The following CDC27 variants were observed in gnomAD, a reference collection of about 807,000 sequenced individuals.
CDC27 encodes the protein cell division cycle 27, also known as cell division cycle protein 27 homolog.
In CDC27, 27 loss-of-function variants were observed where a neutral mutation model predicts 109.7. The ratio of observed to expected loss-of-function variants is 0.25; its 90% confidence interval spans 0.18 to 0.34. The LOEUF is 0.34. CDC27 is among the 10% of genes least tolerant of loss of function. The pLI is 1.00. For synonymous variants in CDC27, 266 were observed against 333.9 expected (o/e 0.80, Z 2.22); for missense variants, 579 against 960.2 (o/e 0.60, Z 5.25).
chr17:47,150,682 T>C (rs2048690108), intron 9 of CDC27, among the ~76,000 whole-genome samples: 1 of 152,140 alleles, frequency 6.6e-6, no homozygotes, highest in African/African-American at 2.4e-5. Flanking sequence ...AGAAAACTAA[T>C]ATAGGCAATT....
chr17:47,155,328 C>A (rs1436596194), intron 7 of CDC27, among the ~76,000 whole-genome samples: 1 of 152,208 alleles, frequency 6.6e-6, no homozygotes, highest in Non-Finnish European at 1.5e-5. Flanking sequence ...TCACTGCAAC[C>A]TCCACCTGCT....
chr17:47,159,387 C>A lies in CDC27; in HGVS notation c.378-1084G>T. 3 of 960,546 alleles carry A rather than the reference C, an allele frequency of 3.1e-6. No individual in the cohort carries two copies. The South Asian group carries it at 5.8e-5, about 19-fold the overall frequency. 59.5% of individuals were successfully genotyped at this position (960,546 alleles called of 1,614,324 possible). ...GGTGAAGTTGCCCAGGGTGGCAGTGCAGCCCCTGGCTGAGGTGTAGCAGTC... is the reference window on the plus strand; with the variant it reads ...GGTGAAGTTGCCCAGGGTGGCAGTGAAGCCCCTGGCTGAGGTGTAGCAGTC... On this transcript the variant is annotated intron_variant, in intron 4 of 18. Coordinates refer to ENST00000066544, the MANE Select transcript of CDC27 (RefSeq NM_001256.6).
rs1160692990 is a variant in CDC27, at chr17:47,121,001, G to A, written c.2409C>T (p.Ser803=). 14 of 1,610,488 alleles carry A rather than the reference G, an allele frequency of 8.7e-6. No individual in the cohort carries two copies. The highest frequency in any genetic ancestry group is 1.2e-5 in the Non-Finnish European group (14 of 1,177,718). The stretch of plus-strand genomic sequence containing the variant: ...CCGCATCTGTCATGCTGCTCTCCTG[G>A]GATTCATCTGTTCCCACTTTAAAAA... ...QEEQIMGTDE[S]QESSMTDADD... is the part of the protein sequence containing the mutation. Residue 803 remains serine, a synonymous_variant, in exon 19 of 19, where the codon TCC becomes TCT. Transcript: ENST00000066544.
At chr17:47,184,752 T>A (rs979807196) in intron 1 of CDC27, among the ~76,000 whole-genome samples, 1 of 152,146 alleles carries the variant, frequency 6.6e-6, no homozygotes, top group Non-Finnish European at 1.5e-5. Context: ...TAACAGTGTC[T>A]CTTGTGCCGG....
chr17:47,170,093 C>A, intron 3 of CDC27, 51 bp from the exon 4 acceptor site: 1 of 1,350,958 alleles, frequency 7.4e-7, no homozygotes. Context: ...AAAAGCAGTT[C>A]ATGTAAACAT....
rs1279847361 is a variant in CDC27 at position 47,154,885 on chromosome 17, A to T, written c.843-99T>A. 6 of 644,516 alleles carry T rather than the reference A, an allele frequency of 9.3e-6. No individual in the cohort carries two copies. In the Admixed American group the frequency reaches 1.5e-4, roughly 16 times the overall value. 39.9% of individuals were successfully genotyped at this position (644,516 alleles called of 1,614,324 possible). On this transcript the variant is annotated intron_variant, in intron 7 of 18. Coordinates refer to ENST00000066544, the MANE Select transcript of CDC27 (RefSeq NM_001256.6). ...AAGGTCTAAAAGGAAGAGAATGGCAAATCAGTCTTAGGGACAGTGAGGATC... is the reference window on the plus strand; with the variant it reads ...AAGGTCTAAAAGGAAGAGAATGGCATATCAGTCTTAGGGACAGTGAGGATC...
chr17:47,152,348 C>A (rs954599051), intron 8 of CDC27, among the ~76,000 whole-genome samples: 3 of 152,000 alleles, frequency 2.0e-5, no homozygotes, highest in Non-Finnish European at 4.4e-5. Flanking sequence ...ATTTTATACT[C>A]CTTTGGCACT....
chr17:47,130,528 A>G (rs2062291701), intron 15 of CDC27, among the ~76,000 whole-genome samples: 1 of 152,176 alleles, frequency 6.6e-6, no homozygotes, highest in Admixed American at 6.5e-5. Flanking sequence ...CTATTCATTC[A>G]TATGTGTATA....
intron 2 of CDC27, among the ~76,000 whole-genome samples, chr17:47,176,530 G>T (rs972744549): frequency 6.6e-6 from 1 of 152,178 alleles, no homozygotes; most frequent in Non-Finnish European, 1.5e-5. Flanking sequence ...AGTTTTAAAA[G>T]GCTCCTTAGT....
Position 47,120,702 on chromosome 17 carries a change from A to T in CDC27, c.*233T>A. 2.4e-6 allele frequency: 1 copy of T among 412,250 alleles called. No individual in the cohort carries two copies. Among genetic ancestry groups the T allele is most frequent in the Non-Finnish European group, 4.3e-6 (1 of 230,510 alleles). 25.5% of individuals were successfully genotyped at this position (412,250 alleles called of 1,614,324 possible). A position where few individuals can be genotyped will look rare whatever the true frequency, so the allele number is the denominator to read the frequency against. On this transcript the variant is annotated 3_prime_UTR_variant, in exon 19 of 19. Transcript: ENST00000066544. ...AACAGAAAAGAAAGTTCCCCACCCT[A>T]CCCCCCATAAATTGTCATTCATACT...
chr17:47,162,356 C>A (rs2063522828), intron 4 of CDC27, among the ~76,000 whole-genome samples: 1 of 151,970 alleles, frequency 6.6e-6, no homozygotes. Flanking sequence ...CTATCTAGGC[C>A]CCTTCTGTCT....
In CDC27 at chr17:47,145,873, G is replaced by A. The variant is rs2062944152; in HGVS notation, c.1071-1891C>T. On this transcript the variant is annotated intron_variant, in intron 9 of 18. Transcript: ENST00000066544. The stretch of plus-strand genomic sequence containing the variant: ...GATCGTGCCATTGCATTGCAGCCTG[G>A]GCGACAACAGCGAAACTCTGTCTCA... Among the ~76,000 whole-genome samples the A allele has an allele frequency of 2.6e-5, 4 of 151,800 alleles. No homozygotes were observed. The South Asian group carries it at 8.3e-4, about 32-fold the overall frequency.
intron 4 of CDC27, chr17:47,159,191 CTA>C (rs2148925652): frequency 4.7e-6 from 2 of 428,012 alleles, no homozygotes; most frequent in Middle Eastern, 6.8e-4. Context: ...TGTAAAAACC[CTA>C]TGTTGTAGCC....
chr17:47,186,098 T>C (rs2064425389), intron 1 of CDC27, among the ~76,000 whole-genome samples: 1 of 152,220 alleles, frequency 6.6e-6, no homozygotes, highest in African/African-American at 2.4e-5. Context: ...ATTCTACTAG[T>C]CTGTATGTCT....
intron 16 of CDC27, among the ~76,000 whole-genome samples, chr17:47,124,710 A>G (rs1568360493): frequency 3.3e-5 from 5 of 152,198 alleles, no homozygotes; most frequent in African/African-American, 1.2e-4. Flanking sequence ...TCTCACATCT[A>G]TCTGCTTCTC....
chr17:47,140,287 A>AT (rs1274432106), intron 12 of CDC27, among the ~76,000 whole-genome samples: 2 of 151,938 alleles, frequency 1.3e-5, no homozygotes, highest in Non-Finnish European at 2.9e-5. Flanking sequence ...TAATTTTTTC[A>AT]TTTTTTTGTA....
At chr17:47,141,744 C>A in intron 12 of CDC27, 109 bp downstream of exon 12, 2 of 573,852 alleles carry the variant, frequency 3.5e-6, no homozygotes, top group Admixed American at 3.4e-5. Flanking sequence ...ATAGACATTA[C>A]ATAATAAATA....
chr17:47,135,780 T>TA (rs552380474), intron 14 of CDC27, among the ~76,000 whole-genome samples: 16,314 of 148,216 alleles, frequency 0.11, 980 homozygotes, highest in South Asian at 0.2. Flanking sequence ...AATACACATT[T>TA]AAAAAAAAAA....
rs751618488 is a variant in CDC27 at position 47,170,039 on chromosome 17, A to C, written c.255T>G (p.Leu85=). 3 of 1,510,236 alleles carry C rather than the reference A, an allele frequency of 2.0e-6. No homozygotes were observed. In the East Asian group the frequency reaches 7.4e-5, roughly 37 times the overall value. 93.6% of individuals were successfully genotyped at this position (1,510,236 alleles called of 1,614,324 possible). A position where few individuals can be genotyped will look rare whatever the true frequency, so the allele number is the denominator to read the frequency against. Residue 85 remains leucine, a synonymous_variant, in exon 4 of 19, where the codon CTT becomes CTG. Transcript: ENST00000066544. ...LAKCCVDLSK[L]AEGEQILSGG... is the part of the protein sequence containing the mutation. ...CAGATAAGATTTGTTCCCCTTCTGCAAGCCTTTAAAATACAAATTTAAAGA... is the reference window on the plus strand; with the variant it reads ...CAGATAAGATTTGTTCCCCTTCTGCCAGCCTTTAAAATACAAATTTAAAGA...
Sources: gnomAD v4.1 joint callset for allele counts (sites outside exome capture counted in the v4.1 genomes callset) on GRCh38, gnomAD v4.1.1 for gene constraint, MANE v1.5 for transcripts, NCBI Gene and HGNC (gene_info 2026-07-23, HGNC 2026-07-21) for gene names.